PXDNL: variants seen among roughly 807,000 people sequenced by gnomAD.
PXDNL encodes probable oxidoreductase PXDNL.
Under a neutral mutation model 150.8 loss-of-function variants are expected in PXDNL, and 145 were observed. The ratio of observed to expected loss-of-function variants is 0.96; its 90% CI spans 0.84 to 1.10. The LOEUF (loss-of-function observed/expected upper bound fraction) is 1.10, where lower values mean the gene tolerates loss of function less well. Ranked by LOEUF, PXDNL falls within the 50% of genes least tolerant of loss-of-function variation. The pLI is 0.00. For synonymous variants in PXDNL, 757 were observed against 725.7 expected, an observed-to-expected ratio of 1.04 and a Z score of -0.69; for missense variants, 2,087 against 1,873.9, an observed-to-expected ratio of 1.11 and a Z score of -2.10.
chr8:51,687,352 G>C (rs1815898727), intron 1 of PXDNL, among the ~76,000 whole-genome samples: 1 of 152,094 alleles, frequency 6.6e-6, no homozygotes, highest in Admixed American at 6.5e-5. Flanking sequence ...AAAATAACAA[G>C]ATATGGTAAA....
At chr8:51,599,865 GT>G (rs1813660531) in intron 2 of PXDNL, among the ~76,000 whole-genome samples, 2 of 109,766 alleles carry the variant, frequency 1.8e-5, no homozygotes, top group Non-Finnish European at 3.5e-5. Flanking sequence ...AAATGACATC[GT>G]TTAGATAATA....
Position 51,546,197 on chromosome 8 carries a change from G to A in PXDNL, c.380+10643C>T, listed in dbSNP as rs372379998. Among the ~76,000 whole-genome samples the A allele has an allele frequency of 2.6e-5, 4 of 152,316 alleles. No individual in the cohort carries two copies. In the East Asian group the frequency reaches 5.8e-4, roughly 22 times the overall value. On this transcript the variant is annotated intron_variant, in intron 4 of 22. Coordinates refer to ENST00000356297, the MANE Select transcript of PXDNL (RefSeq NM_144651.5). ...ACTGTGAGTTCCTAAATTGTTAGAG[G>A]GGGAAAATTCAGCCTCTGAACATGC... is the stretch of plus-strand genomic sequence containing the variant.
rs35173075 is a variant in PXDNL at position 51,577,593 on chromosome 8, CAT to C, written c.308+15032_308+15033del. ...TATATATATAAAATCTATCTATCTA[CAT>C]ATATATATATATATAATCAGGCTAA... On this transcript the variant is annotated intron_variant, in intron 3 of 22. Transcript: ENST00000356297. 3.6e-3 allele frequency among the ~76,000 whole-genome samples: 515 copies of C among 142,162 alleles called. 2 individuals carry two copies. Among genetic ancestry groups the C allele is most frequent in the African/African-American group, 0.01 (393 of 38,268 alleles). 93.3% of individuals were successfully genotyped at this position (142,162 alleles called of 152,430 possible).
intron 3 of PXDNL, among the ~76,000 whole-genome samples, chr8:51,557,984 G>T (rs957006511): frequency 1.3e-5 from 2 of 152,056 alleles, no homozygotes. Flanking sequence ...AGCATTAATT[G>T]ATACTTCAGA....
chr8:51,507,925 G>A (rs559973056), intron 4 of PXDNL, among the ~76,000 whole-genome samples: 6 of 152,172 alleles, frequency 3.9e-5, no homozygotes, highest in African/African-American at 1.2e-4. Context: ...TTTTCTGAGC[G>A]GGAAGGAGTG....
At chr8:51,439,698 A>G (rs904164511) in intron 12 of PXDNL, among the ~76,000 whole-genome samples, 5 of 151,752 alleles carry the variant, frequency 3.3e-5, no homozygotes, top group South Asian at 4.2e-4. Flanking sequence ...GTTAACACAC[A>G]CCTGTAATCC....
intron 6 of PXDNL, among the ~76,000 whole-genome samples, chr8:51,478,553 G>T (rs748174062): frequency 6.6e-5 from 10 of 152,270 alleles, no homozygotes; most frequent in Admixed American, 2.6e-4. Flanking sequence ...CAGTCCACTT[G>T]TGAGGAGTGT....
chr8:51,670,047 G>A (rs1349769241), intron 1 of PXDNL, among the ~76,000 whole-genome samples: 5 of 152,116 alleles, frequency 3.3e-5, no homozygotes, highest in Non-Finnish European at 7.4e-5. Context: ...GACCAGCCTG[G>A]CCAACATGGT....
chr8:51,374,780 T>C (rs764573636), intron 17 of PXDNL, 49 bp from the exon 18 acceptor site: 291 of 1,588,950 alleles, frequency 1.8e-4, no homozygotes, highest in Non-Finnish European at 2.4e-4. Context: ...GAAAGTGGAA[T>C]TGAAAATATT....
At chr8:51,730,279 A>G (rs1442989949) in intron 1 of PXDNL, among the ~76,000 whole-genome samples, 2 of 152,242 alleles carry the variant, frequency 1.3e-5, no homozygotes, top group African/African-American at 4.8e-5. Flanking sequence ...TAAATAATAA[A>G]GTCTGCTTTA....
In PXDNL at chr8:51,668,249, A is replaced by G. The variant is rs1815430572; in HGVS notation, c.165-13489T>C. 2.3e-5 allele frequency among the ~76,000 whole-genome samples: 3 copies of G among 130,322 alleles called. No individual in the cohort carries two copies. In the East Asian group the frequency reaches 7.2e-4, roughly 31 times the overall value. The allele number at this position is 130,322 out of a possible 152,430, so 85.5% of individuals were successfully genotyped here. ...GCATGCAGTGGCGCTATCTCAGCTC[A>G]CTGCATCCTCTGCTTCCTGGGTTCA... On this transcript the variant is annotated intron_variant, in intron 1 of 22. Transcript: ENST00000356297.
chr8:51,459,213 T>C (rs958483013), intron 8 of PXDNL, among the ~76,000 whole-genome samples: 14 of 152,240 alleles, frequency 9.2e-5, no homozygotes, highest in Admixed American at 4.6e-4. Flanking sequence ...GCAGATCGCC[T>C]GAGGTCAGGA....
chr8:51,338,238 T>TG (rs1206637651), intron 21 of PXDNL, among the ~76,000 whole-genome samples: 1 of 150,096 alleles, frequency 6.7e-6, no homozygotes, highest in Admixed American at 6.6e-5. Flanking sequence ...GTGATTTCAA[T>TG]GGTGGCTATT....
intron 15 of PXDNL, among the ~76,000 whole-genome samples, 177 bp downstream of exon 15, chr8:51,412,973 T>G (rs1004229011): frequency 6.6e-6 from 1 of 152,150 alleles, no homozygotes; most frequent in South Asian, 2.1e-4. Context: ...GGGGAAGAAG[T>G]TTCCCCTTTT....
At chr8:51,333,873 G>A (rs1001487556) in intron 21 of PXDNL, among the ~76,000 whole-genome samples, 1 of 152,002 alleles carries the variant, frequency 6.6e-6, no homozygotes, top group Non-Finnish European at 1.5e-5. Flanking sequence ...TAATACTGGG[G>A]GACTTCAATA....
chr8:51,573,494 T>G (rs1812988192), intron 3 of PXDNL, among the ~76,000 whole-genome samples: 1 of 151,982 alleles, frequency 6.6e-6, no homozygotes, highest in Admixed American at 6.6e-5. Context: ...ATGGTATCAG[T>G]GCAGTTCATA....
chr8:51,371,884 T>A lies in PXDNL; in HGVS notation c.3890A>T (p.Asp1297Val), dbSNP rs750178221. The A allele has an allele frequency of 6.2e-7, 1 of 1,613,704 alleles. No individual in the cohort carries two copies. The part of the protein sequence containing the change: ...IPKVDLRVWQ[D>V]CCADCRSRGQ... ...GCATTATTACTGACCTGCACAGCAG[T>A]CTTGCCACACTCGCAGGTCCACCTT... The change falls in exon 19 of 23, where the codon GAC becomes GTC. Residue 1297 changes from aspartate to valine, a missense_variant. Transcript: ENST00000356297.
chr8:51,628,499 G>A (rs1814415443), intron 2 of PXDNL, among the ~76,000 whole-genome samples: 1 of 130,924 alleles, frequency 7.6e-6, no homozygotes, highest in African/African-American at 2.8e-5. Flanking sequence ...TCTAACTCCT[G>A]GGTTCAAGCA....
At chr8:51,687,389 T>C (rs10113743) in intron 1 of PXDNL, among the ~76,000 whole-genome samples, 1 of 152,250 alleles carries the variant, frequency 6.6e-6, no homozygotes, top group African/African-American at 2.4e-5. Flanking sequence ...TGTTTAAAAA[T>C]TATGTCTATA....
Sources: gnomAD v4.1 joint callset for allele counts (sites outside exome capture counted in the v4.1 genomes callset) on GRCh38, gnomAD v4.1.1 for gene constraint, MANE v1.5 for transcripts, NCBI Gene and HGNC (gene_info 2026-07-23, HGNC 2026-07-21) for gene names.